FTSJ1: variants seen among roughly 807,000 people sequenced by gnomAD.
FTSJ1 encodes the protein tRNA (cytidine(32)/guanosine(34)-2'-O)-methyltransferase.
Under a neutral mutation model 28.5 loss-of-function variants are expected in FTSJ1, and 3 were observed. That is an observed-to-expected ratio of 0.11 (90% CI 0.05 to 0.27). FTSJ1 has a LOEUF of 0.27. Among genes scored for constraint, FTSJ1 ranks in the 10% least tolerant of loss-of-function variants. FTSJ1 has a pLI of 1.00. For synonymous variants in FTSJ1, 104 were observed against 113.9 expected (o/e 0.91, Z 0.55); for missense variants, 162 against 279.0 (o/e 0.58, Z 2.99).
chrX:48,485,517 A>G (rs967529226), intron 12 of FTSJ1, among the ~76,000 whole-genome samples: 2 of 110,153 alleles, frequency 1.8e-5, no homozygotes, highest in Admixed American at 2.0e-4. Flanking sequence ...AATGTCACAA[A>G]AATGTTAGCA....
At position 48,476,218 on chromosome X, in the gene FTSJ1, C is replaced by G. The variant is rs2061530642; in HGVS notation, c.-266C>G. 1 of 298,176 alleles carries G rather than the reference C, an allele frequency of 3.4e-6. No homozygotes were observed. Among genetic ancestry groups the G allele is most frequent in the Non-Finnish European group, 5.9e-6 (1 of 170,372 alleles). The allele number at this position is 298,176 out of a possible 1,213,427, so 24.6% of individuals were successfully genotyped here. ...TTGTACGTTCACATCAGGTCCCGGC[C>G]CGCCGGAACCTGGGCGATCCACGAT... On this transcript the variant is annotated 5_prime_UTR_variant, in exon 1 of 13. Transcript: ENST00000348411.
intron 12 of FTSJ1, among the ~76,000 whole-genome samples, chrX:48,483,627 A>C (rs1373263834): frequency 9.0e-6 from 1 of 110,732 alleles, no homozygotes; most frequent in Non-Finnish European, 1.9e-5. Context: ...CTGGGACTAC[A>C]GGCATGTACC....
Position 48,482,392 on chromosome X carries a change from C to T in FTSJ1, c.656-11C>T. On this transcript the variant is annotated splice_polypyrimidine_tract_variant and intron_variant, in intron 9 of 12. Coordinates refer to ENST00000348411, the MANE Select transcript of FTSJ1 (RefSeq NM_012280.4). ...TGACCTTGTCCTCAGTTGTCTCCCCCTGTTCCTAAGACCCAGATTTCAACC... is the reference window on the plus strand; with the variant it reads ...TGACCTTGTCCTCAGTTGTCTCCCCTTGTTCCTAAGACCCAGATTTCAACC... 8.6e-7 allele frequency: 1 copy of T among 1,164,976 alleles called. No homozygotes were observed. The highest frequency in any genetic ancestry group is 1.8e-5 in the African/African-American group (1 of 56,784).
chrX:48,478,059 G>T lies in FTSJ1; in HGVS notation c.12G>T (p.Thr4=). The T allele has an allele frequency of 8.3e-7, 1 of 1,211,407 alleles. No individual in the cohort carries two copies. MGR[T]SKDKRDVYYR... is the part of the protein sequence containing the mutation. ...AACTGGTGTGTGAAATGGGACGGAC[G>T]TCAAAGGACAAGCGGGATGTCTACT... The change falls in exon 2 of 13, where the codon ACG becomes ACT. Residue 4 remains threonine, a synonymous_variant. Transcript: ENST00000348411.
In FTSJ1 at chrX:48,479,034, A is replaced by G; in HGVS notation, c.283-4A>G. ...GGGGCCACTCATCCTCCCTCTCTCC[A>G]TAGCTGTCCACTGCCAAGGAGATCA... On this transcript the variant is annotated splice_polypyrimidine_tract_variant and splice_region_variant and intron_variant, in intron 4 of 12. Coordinates refer to ENST00000348411, the MANE Select transcript of FTSJ1 (RefSeq NM_012280.4). 2 of 1,191,635 alleles carry G rather than the reference A, an allele frequency of 1.7e-6. No homozygotes were observed. The highest frequency in any genetic ancestry group is 1.7e-5 in the African/African-American group (1 of 57,497).
intron 5 of FTSJ1, among the ~76,000 whole-genome samples, chrX:48,479,820 G>C (rs1283788210): frequency 9.0e-6 from 1 of 111,591 alleles, no homozygotes; most frequent in Non-Finnish European, 1.9e-5. Context: ...TCCAGCCTGG[G>C]CAACAGAGTG....
chrX:48,480,339 C>T (rs781903437), intron 5 of FTSJ1, among the ~76,000 whole-genome samples: 4 of 110,293 alleles, frequency 3.6e-5, no homozygotes, highest in Non-Finnish European at 7.6e-5. Flanking sequence ...AATTGCAGCC[C>T]GTGCAAAGGT....
chrX:48,481,465 C>G lies in FTSJ1; in HGVS notation c.508C>G (p.Leu170Val), dbSNP rs1556968540. Residue 170 changes from leucine (L) to valine (V), a missense_variant, in exon 8 of 13, where the codon CTG becomes GTG. Leu to Val is a conservative substitution (Grantham distance 32). Coordinates refer to ENST00000348411, the MANE Select transcript of FTSJ1 (RefSeq NM_012280.4). ...GGATGTGACGCTCCTCTACAGCCAGCTGCAGGTCTTCTTCTCCAGCGTGCT... is the reference window on the plus strand; with the variant it reads ...GGATGTGACGCTCCTCTACAGCCAGGTGCAGGTCTTCTTCTCCAGCGTGCT... Reference protein sequence around the residue: ...GRDVTLLYSQLQVFFSSVLCA... With the variant: ...GRDVTLLYSQVQVFFSSVLCA... 13 of 1,212,107 alleles carry G rather than the reference C, an allele frequency of 1.1e-5. No individual in the cohort carries two copies. The highest frequency in any genetic ancestry group is 1.2e-5 in the Non-Finnish European group (11 of 895,357).
Position 48,477,957 on chromosome X carries a change from A to G in FTSJ1, c.-87-4A>G. 1 of 1,184,843 alleles carries G rather than the reference A, an allele frequency of 8.4e-7. No individual in the cohort carries two copies. Among genetic ancestry groups the G allele is most frequent in the Non-Finnish European group, 1.1e-6 (1 of 874,877 alleles). ...TAGTTTGTGTGGTTCTCTCCGCCCT[A>G]CAGAGGTAGGTGGTAGCCCATTCAT... is the stretch of plus-strand genomic sequence containing the variant. On this transcript the variant is annotated splice_polypyrimidine_tract_variant and splice_region_variant and intron_variant, in intron 1 of 12. Coordinates refer to ENST00000348411, the MANE Select transcript of FTSJ1 (RefSeq NM_012280.4).
chrX:48,484,294 C>T (rs1369573492), intron 12 of FTSJ1, among the ~76,000 whole-genome samples: 1 of 111,125 alleles, frequency 9.0e-6, no homozygotes, highest in African/African-American at 3.3e-5. Flanking sequence ...GTCTCAAACT[C>T]GTGACCTCAG....
At chrX:48,480,924 G>A (rs992801035) in intron 5 of FTSJ1, among the ~76,000 whole-genome samples, 1 of 111,126 alleles carries the variant, frequency 9.0e-6, no homozygotes, top group East Asian at 2.8e-4. Context: ...AGTCTGGGCT[G>A]GAGGTGGAAA....
chrX:48,481,446 G>A lies in FTSJ1; in HGVS notation c.489G>A (p.Val163=). Residue 163 remains valine, a synonymous_variant, in exon 8 of 13, where the codon GTG becomes GTA. Transcript: ENST00000348411. ...FVAKIFRGRD[V]TLLYSQLQVF... ...TGCAGATATTCCGAGGCCGGGATGT[G>A]ACGCTCCTCTACAGCCAGCTGCAGG... 1 of 1,211,918 alleles carries A rather than the reference G, an allele frequency of 8.3e-7. No individual in the cohort carries two copies. The highest frequency in any genetic ancestry group is 1.1e-6 in the Non-Finnish European group (1 of 895,246).
At chrX:48,482,932 A>G (rs2061579334) in intron 11 of FTSJ1, 54 bp from the exon 12 acceptor site, 1 of 1,207,566 alleles carries the variant, frequency 8.3e-7, no homozygotes, top group Non-Finnish European at 1.1e-6. Context: ...GCCAAGCATA[A>G]TGAATGGAAA....
In FTSJ1 at chrX:48,481,731, T is replaced by G. The variant is rs1288455258; in HGVS notation, c.655+16T>G. 1 of 996,775 alleles carries G rather than the reference T, an allele frequency of 1.0e-6. No homozygotes were observed. Among genetic ancestry groups the G allele is most frequent in the Non-Finnish European group, 1.4e-6 (1 of 701,203 alleles). 82.1% of individuals were successfully genotyped at this position (996,775 alleles called of 1,213,427 possible). A position where few individuals can be genotyped will look rare whatever the true frequency, so the allele number is the denominator to read the frequency against. On this transcript the variant is annotated intron_variant, in intron 9 of 12. Coordinates refer to ENST00000348411, the MANE Select transcript of FTSJ1 (RefSeq NM_012280.4). ...CATTCTTACGGTGAGAGCTGGAGCA[T>G]GGGCCACCCTGGGGGACTCTGCCAC...
In FTSJ1 at chrX:48,478,451, G is replaced by A; in HGVS notation, c.124G>A (p.Val42Met). Residue 42 changes from valine to methionine, a missense_variant and splice_region_variant, in exon 3 of 13, where the codon GTG becomes ATG. Coordinates refer to ENST00000348411, the MANE Select transcript of FTSJ1 (RefSeq NM_012280.4). The part of the protein sequence containing the change: ...LDKEFQLFQG[V>M]TRAVDLCAAP... ...ATGCTTTCACTATGTATGCCCAGGC[G>A]TGACACGGGCAGTTGACCTGTGTGC... The A allele has an allele frequency of 1.7e-6, 2 of 1,207,677 alleles. No homozygotes were observed. The highest frequency in any genetic ancestry group is 2.2e-6 in the Non-Finnish European group (2 of 892,645).
chrX:48,476,800 G>A (rs2061535038), intron 1 of FTSJ1: 1 of 111,925 alleles, frequency 8.9e-6, no homozygotes, highest in Admixed American at 9.5e-5. Context: ...GTTGTTCATT[G>A]ATTGATTAAT....
intron 1 of FTSJ1, among the ~76,000 whole-genome samples, chrX:48,476,894 T>C (rs1352248167): frequency 1.8e-5 from 2 of 110,599 alleles, no homozygotes; most frequent in African/African-American, 6.6e-5. Flanking sequence ...AGGTATGATA[T>C]TCAACGGGTT....
chrX:48,480,306 T>C (rs781814190), intron 5 of FTSJ1, among the ~76,000 whole-genome samples: 1 of 110,752 alleles, frequency 9.0e-6, no homozygotes, highest in Non-Finnish European at 1.9e-5. Flanking sequence ...TGGATATGTC[T>C]GGAGGAAGAG....
At position 48,486,329 on chromosome X, in the gene FTSJ1, T is replaced by C. The variant is rs1369876355; in HGVS notation, c.*603T>C. ...AATTTTGTTTCAATTTAATATATAGTAATAATTGTAATTCAATGTAATTGG... is the reference window on the plus strand; with the variant it reads ...AATTTTGTTTCAATTTAATATATAGCAATAATTGTAATTCAATGTAATTGG... On this transcript the variant is annotated 3_prime_UTR_variant, in exon 13 of 13. Transcript: ENST00000348411. 7 of 112,163 alleles carry C rather than the reference T, an allele frequency of 6.2e-5. No individual in the cohort carries two copies. Among genetic ancestry groups the C allele is most frequent in the African/African-American group, 2.3e-4 (7 of 30,844 alleles). The allele number at this position is 112,163 out of a possible 1,213,427, so 9.2% of individuals were successfully genotyped here.
Sources: gnomAD v4.1 joint callset for allele counts (sites outside exome capture counted in the v4.1 genomes callset) on GRCh38, gnomAD v4.1.1 for gene constraint, MANE v1.5 for transcripts, NCBI Gene and HGNC (gene_info 2026-07-23, HGNC 2026-07-21) for gene names.